Variants in TLK1 observed in about 807,000 individuals in gnomAD.
TLK1 encodes serine/threonine-protein kinase tousled-like 1.
TLK1 carries 24 observed loss-of-function variants against 105.3 expected under a neutral mutation model. The ratio of observed to expected loss-of-function variants is 0.23; its 90% confidence interval spans 0.17 to 0.32. The LOEUF (loss-of-function observed/expected upper bound fraction) is 0.32. Ranked by LOEUF, TLK1 falls within the 10% of genes least tolerant of loss-of-function variation. The pLI is 1.00. For missense variants in TLK1, 558 were observed against 910.5 expected, an observed-to-expected ratio of 0.61 and a Z score of 4.98; for synonymous variants, 321 against 310.4, an observed-to-expected ratio of 1.03 and a Z score of -0.36.
chr2:171,180,342 T>C lies in TLK1; in HGVS notation c.-6+50803A>G, dbSNP rs377416397. 7.2e-5 allele frequency among the ~76,000 whole-genome samples: 11 copies of C among 152,320 alleles called. No homozygotes were observed. The East Asian group carries it at 1.5e-3, about 21-fold the overall frequency. On this transcript the variant is annotated intron_variant, in intron 1 of 20. Coordinates refer to the TLK1 transcript ENST00000521943. Reference sequence around the variant, plus strand: ...CATATTATCAGTTGTTTTACCCATATTGATATCTCTCTTCTTGAGTATGGA... The same window carrying C: ...CATATTATCAGTTGTTTTACCCATACTGATATCTCTCTTCTTGAGTATGGA...
intron 1 of TLK1, among the ~76,000 whole-genome samples, chr2:171,175,923 TTTTTTTGTTTTTG>T (rs1321728546): frequency 6.6e-6 from 1 of 152,044 alleles, no homozygotes; most frequent in East Asian, 1.9e-4. Flanking sequence ...ATCAAGGTTT[TTTTTTTGTTTTTG>T]TTTTTGTTTT....
intron 1 of TLK1, among the ~76,000 whole-genome samples, chr2:171,128,316 C>T (rs538042215): frequency 2.0e-5 from 3 of 152,146 alleles, no homozygotes; most frequent in South Asian, 2.1e-4. Context: ...CAAAAACATA[C>T]GTAGGTCGAT....
chr2:171,202,178 G>A (rs748454711), intron 1 of TLK1, among the ~76,000 whole-genome samples: 10 of 152,206 alleles, frequency 6.6e-5, no homozygotes, highest in Admixed American at 5.9e-4. Flanking sequence ...GGCTCAGGCC[G>A]GGCGCGGTGG....
At chr2:171,037,460 A>T in intron 11 of TLK1, among the ~76,000 whole-genome samples, 1 of 149,156 alleles carries the variant, frequency 6.7e-6, no homozygotes. Flanking sequence ...AAAAAAACAG[A>T]GGCATGATGA....
chr2:171,017,514 A>G (rs3770433), intron 12 of TLK1, among the ~76,000 whole-genome samples: 88,267 of 151,972 alleles, frequency 0.58, 27,817 homozygotes, highest in East Asian at 0.95. Context: ...TGAGTCATAA[A>G]TAAGTAAGAT....
In TLK1 at chr2:171,050,190, A is replaced by T. The variant is rs201469114; in HGVS notation, c.733-16T>A. The stretch of plus-strand genomic sequence containing the variant: ...CACAGTTAGCCTATGACATAAGTAG[A>T]AAATGCAAGAGGTCTAGACTGGGGA... On this transcript the variant is annotated splice_polypyrimidine_tract_variant and intron_variant, in intron 8 of 20. Transcript: ENST00000431350. The T allele has an allele frequency of 1.3e-6, 2 of 1,568,634 alleles. No individual in the cohort carries two copies. The highest frequency in any genetic ancestry group is 2.3e-5 in the South Asian group (2 of 87,058).
At chr2:171,102,885 G>C (rs1248553824) in intron 2 of TLK1, among the ~76,000 whole-genome samples, 1 of 152,256 alleles carries the variant, frequency 6.6e-6, no homozygotes, top group Non-Finnish European at 1.5e-5. Context: ...AGAAGGGAAA[G>C]AGAATATAAA....
intron 3 of TLK1, chr2:171,066,961 A>G: frequency 6.5e-7 from 1 of 1,541,104 alleles, no homozygotes; most frequent in Non-Finnish European, 8.8e-7. Flanking sequence ...GGCATTTTGA[A>G]AGTGCTTGTA....
intron 1 of TLK1, among the ~76,000 whole-genome samples, chr2:171,127,070 G>A (rs1690897006): frequency 1.3e-5 from 2 of 151,978 alleles, no homozygotes; most frequent in African/African-American, 4.8e-5. Flanking sequence ...GAGGTCAGGA[G>A]ATCAAGACCA....
chr2:171,091,149 T>C (rs1034227239), intron 2 of TLK1, among the ~76,000 whole-genome samples: 6 of 152,164 alleles, frequency 3.9e-5, no homozygotes, highest in East Asian at 1.9e-4. Flanking sequence ...AATGGCACAG[T>C]TGAGTAGTTT....
chr2:170,994,667 C>A (rs569521229), intron 20 of TLK1: 2 of 516,624 alleles, frequency 3.9e-6, no homozygotes, highest in East Asian at 1.1e-4. Flanking sequence ...ACCTCTGAAT[C>A]CCCCTCATGC....
At chr2:171,112,715 C>T (rs372752514) in intron 2 of TLK1, among the ~76,000 whole-genome samples, 1 of 152,010 alleles carries the variant, frequency 6.6e-6, no homozygotes, top group Non-Finnish European at 1.5e-5. Flanking sequence ...TAAAAGAGAA[C>T]AGCAAGACTG....
chr2:171,104,920 G>A (rs996443121), intron 2 of TLK1, among the ~76,000 whole-genome samples: 1 of 152,112 alleles, frequency 6.6e-6, no homozygotes, highest in Non-Finnish European at 1.5e-5. Flanking sequence ...CTTCGACAAA[G>A]GCACTGGGAA....
At chr2:171,117,652 G>T in intron 2 of TLK1, 87 bp downstream of exon 2, 1 of 1,028,090 alleles carries the variant, frequency 9.7e-7, no homozygotes, top group Non-Finnish European at 1.5e-6. Flanking sequence ...TTGCTGTTAA[G>T]CACGTTATGT....
intron 3 of TLK1, chr2:171,066,758 G>A (rs1688016659): frequency 7.3e-7 from 1 of 1,371,630 alleles, no homozygotes; most frequent in Non-Finnish European, 9.9e-7. Flanking sequence ...CCCTTCTCTG[G>A]CTATCCCTTT....
intron 2 of TLK1, among the ~76,000 whole-genome samples, chr2:171,086,559 G>T (rs138817196): frequency 2.6e-5 from 4 of 151,586 alleles, no homozygotes; most frequent in Admixed American, 2.6e-4. Context: ...CTGGGAGACA[G>T]AGGTTAAAGT....
At position 171,212,147 on chromosome 2, in the gene TLK1, G is replaced by A. The variant is rs147344517; in HGVS notation, c.-6+18998C>T. 4.0e-3 allele frequency among the ~76,000 whole-genome samples: 609 copies of A among 152,116 alleles called. 7 individuals carry two copies. Among genetic ancestry groups the A allele is most frequent in the African/African-American group, 0.013 (521 of 41,514 alleles). ...GAGCCACCATGCCTGGCCTCCTCTC[G>A]TTTTAAAGCTTGTCTAACAAGCCTT... On this transcript the variant is annotated intron_variant, in intron 1 of 20. Transcript: ENST00000521943.
chr2:171,075,678 C>T (rs1334779273), intron 3 of TLK1, among the ~76,000 whole-genome samples: 1 of 152,022 alleles, frequency 6.6e-6, no homozygotes, highest in Non-Finnish European at 1.5e-5. Flanking sequence ...TCACAAATAT[C>T]CCAACTTCAG....
chr2:171,010,676 T>C (rs1452222495), intron 14 of TLK1, among the ~76,000 whole-genome samples: 1 of 145,840 alleles, frequency 6.9e-6, no homozygotes, highest in African/African-American at 2.6e-5. Flanking sequence ...GGAGTAAAAA[T>C]GCTACATTTA....
Sources: gnomAD v4.1 joint callset for allele counts (sites outside exome capture counted in the v4.1 genomes callset) on GRCh38, gnomAD v4.1.1 for gene constraint, MANE v1.5 for transcripts, NCBI Gene and HGNC (gene_info 2026-07-23, HGNC 2026-07-21) for gene names.